RBBP6: variants seen among roughly 807,000 people sequenced by gnomAD.
The protein encoded by RBBP6 is E3 ubiquitin-protein ligase RBBP6.
RBBP6 carries 25 observed loss-of-function variants against 167.7 expected under a neutral mutation model. The observed-to-expected ratio is 0.15, with a 90% CI of 0.11 to 0.21. The LOEUF is 0.21. Ranked by LOEUF, RBBP6 falls within the 10% of genes least tolerant of loss-of-function variation. The pLI, the probability that RBBP6 is intolerant of heterozygous loss-of-function variation, is 1.00. For synonymous variants in RBBP6, 789 were observed against 735.8 expected (o/e 1.07, Z -1.17); for missense variants, 1,868 against 2,134.2 (o/e 0.88, Z 2.46).
intron 8 of RBBP6, among the ~76,000 whole-genome samples, chr16:24,561,046 A>G (rs1207543847): frequency 2.4e-5 from 2 of 81,938 alleles, no homozygotes; most frequent in Non-Finnish European, 5.2e-5. Context: ...TAATCTTCGT[A>G]TCTGTAATTT....
intron 10 of RBBP6, 151 bp downstream of exon 10, chr16:24,562,312 G>A: frequency 1.3e-6 from 1 of 778,654 alleles, no homozygotes; most frequent in Non-Finnish European, 2.0e-6. Flanking sequence ...TCTTATTGGG[G>A]GAAGAGGAAA....
chr16:24,562,301 G>T, intron 10 of RBBP6, 140 bp downstream of exon 10: 1 of 810,492 alleles, frequency 1.2e-6, no homozygotes, highest in Non-Finnish European at 1.9e-6. Flanking sequence ...AAGTGACTTA[G>T]TCTTATTGGG....
chr16:24,542,456 CTT>C (rs1555471340), intron 1 of RBBP6, among the ~76,000 whole-genome samples: 15 of 108,980 alleles, frequency 1.4e-4, no homozygotes, highest in South Asian at 1.2e-3. Context: ...TTGAATGCAG[CTT>C]TTTTTTTTTT....
rs146436815 is a variant in RBBP6, at chr16:24,568,915, G to T, written c.2225G>T (p.Arg742Leu). ...PYPRRGRGKS[R>L]NYRSRSRSHG... ...CCCAGAAGAGGCAGAGGCAAGAGCC[G>T]CAATTACCGTTCACGGTCTAGATCT... The change falls in exon 17 of 18, where the codon CGC becomes CTC. Residue 742 changes from arginine (R) to leucine (L), a missense_variant. By Grantham distance (102) the Arg-to-Leu change is moderately radical (BLOSUM62 -2). Around this residue, in one of 7 missense-constraint regions of RBBP6, gnomAD observed 673 missense variants for 691.5 expected, o/e 0.97. Coordinates refer to ENST00000319715, the MANE Select transcript of RBBP6 (RefSeq NM_006910.5). 4.7e-5 allele frequency: 76 copies of T among 1,614,188 alleles called. No individual in the cohort carries two copies. The highest frequency in any genetic ancestry group is 6.1e-5 in the Non-Finnish European group (72 of 1,180,016).
In RBBP6 at chr16:24,559,851, A is replaced by G. The variant is rs73560576; in HGVS notation, c.847+174A>G. The G allele has an allele frequency of 1.9e-3, 879 of 469,626 alleles. 5 individuals carry two copies. Among genetic ancestry groups the G allele is most frequent in the African/African-American group, 0.016 (817 of 49,580 alleles). The allele number at this position is 469,626 out of a possible 1,614,324, so 29.1% of individuals were successfully genotyped here. On this transcript the variant is annotated intron_variant, in intron 8 of 17. Coordinates refer to ENST00000319715, the MANE Select transcript of RBBP6 (RefSeq NM_006910.5). ...GTTTTTCTTGCTGTATCTTTTTTAAACAATAACCTGTTTGTCCTTTTAAAT... is the reference window on the plus strand; with the variant it reads ...GTTTTTCTTGCTGTATCTTTTTTAAGCAATAACCTGTTTGTCCTTTTAAAT...
chr16:24,556,209 A>G lies in RBBP6; in HGVS notation c.535-99A>G, dbSNP rs1040954417. ...AATGAGATCACATATGTAAAGCACT[A>G]CAAGTAATATAGTAAGCACTGTATA... On this transcript the variant is annotated intron_variant, in intron 6 of 17. Transcript: ENST00000319715. The G allele has an allele frequency of 2.7e-5, 26 of 975,386 alleles. No homozygotes were observed. In the Admixed American group the frequency reaches 4.2e-4, roughly 16 times the overall value. The allele number at this position is 975,386 out of a possible 1,614,324, so 60.4% of individuals were successfully genotyped here.
chr16:24,560,067 A>G (rs1402701541), intron 8 of RBBP6, among the ~76,000 whole-genome samples: 3 of 150,014 alleles, frequency 2.0e-5, no homozygotes, highest in Admixed American at 6.6e-5. Context: ...GCTTATCCTA[A>G]TATTTCTAAG....
At chr16:24,547,996 G>T (rs1029450543) in intron 2 of RBBP6, among the ~76,000 whole-genome samples, 3 of 150,596 alleles carry the variant, frequency 2.0e-5, no homozygotes, top group Non-Finnish European at 4.4e-5. Flanking sequence ...ATGCATCTCA[G>T]TTTTTTTTTG....
chr16:24,555,475 TCC>T, intron 4 of RBBP6, 138 bp from the exon 5 acceptor site: 1 of 674,940 alleles, frequency 1.5e-6, no homozygotes, highest in Non-Finnish European at 2.6e-6. Context: ...AAGTGCCTCT[TCC>T]AGGTTATACG....
chr16:24,552,099 T>C (rs1451123571), intron 3 of RBBP6, among the ~76,000 whole-genome samples: 4 of 147,926 alleles, frequency 2.7e-5, no homozygotes, highest in Admixed American at 2.7e-4. Flanking sequence ...ATGAACTCTT[T>C]TATAGTCAGT....
chr16:24,564,860 C>T lies in RBBP6; in HGVS notation c.1584C>T (p.Cys528=), dbSNP rs1434833823. 5 of 1,612,236 alleles carry T rather than the reference C, an allele frequency of 3.1e-6. No homozygotes were observed. The highest frequency in any genetic ancestry group is 4.2e-6 in the Non-Finnish European group (5 of 1,179,136). ...AAATTAGAAGAGGGGAGAGGAGCTGCTACAGGTAGGCATGCTAAAAATCTT... is the reference window on the plus strand; with the variant it reads ...AAATTAGAAGAGGGGAGAGGAGCTGTTACAGGTAGGCATGCTAAAAATCTT... ...PQQIRRGERS[C]YRSINRGRHH... is the part of the protein sequence containing the mutation. Residue 528 remains cysteine, a synonymous_variant, in exon 14 of 18, where the codon TGC becomes TGT. Transcript: ENST00000319715.
chr16:24,555,624 C>T lies in RBBP6; in HGVS notation c.358C>T (p.Leu120=). ...ATTACCTGTTAAACAGACTGCCAATCTGGCTGAAGCCAATGCTTCTGAAGA... is the reference window on the plus strand; with the variant it reads ...ATTACCTGTTAAACAGACTGCCAATTTGGCTGAAGCCAATGCTTCTGAAGA... ...SLAQLTKTAN[L]AEANASEEDK... is the part of the protein sequence containing the mutation. The change falls in exon 5 of 18, where the codon CTG becomes TTG. Residue 120 remains leucine, a synonymous_variant. Coordinates refer to ENST00000319715, the MANE Select transcript of RBBP6 (RefSeq NM_006910.5). 1 of 1,609,358 alleles carries T rather than the reference C, an allele frequency of 6.2e-7. No homozygotes were observed.
intron 17 of RBBP6, among the ~76,000 whole-genome samples, 171 bp downstream of exon 17, chr16:24,570,670 G>T (rs537906065): frequency 1.3e-5 from 2 of 152,248 alleles, no homozygotes; most frequent in South Asian, 4.1e-4. Flanking sequence ...AGACAAGGTT[G>T]TAAATAGATT....
intron 3 of RBBP6, among the ~76,000 whole-genome samples, chr16:24,550,359 T>G (rs1171766418): frequency 7.6e-6 from 1 of 131,986 alleles, no homozygotes; most frequent in Non-Finnish European, 1.7e-5. Context: ...GGGTGTTTTT[T>G]TTTGTTTTTT....
Position 24,540,430 on chromosome 16 carries a change from T to C in RBBP6, c.-197T>C. The C allele has an allele frequency of 2.1e-6, 1 of 474,542 alleles. No homozygotes were observed. The highest frequency in any genetic ancestry group is 3.7e-6 in the Non-Finnish European group (1 of 270,078). The allele number at this position is 474,542 out of a possible 1,614,324, so 29.4% of individuals were successfully genotyped here. On this transcript the variant is annotated 5_prime_UTR_variant, in exon 1 of 18. Coordinates refer to ENST00000319715, the MANE Select transcript of RBBP6 (RefSeq NM_006910.5). ...CTCCTCCTCCCCCATGAAGTGATTCTGAGTATCGGGGGGTCTCTGGATTAT... is the reference window on the plus strand; with the variant it reads ...CTCCTCCTCCCCCATGAAGTGATTCCGAGTATCGGGGGGTCTCTGGATTAT...
chr16:24,551,301 CTT>C (rs969316334), intron 3 of RBBP6, among the ~76,000 whole-genome samples: 1 of 151,590 alleles, frequency 6.6e-6, no homozygotes, highest in African/African-American at 2.4e-5. Context: ...AAGTGGCAGA[CTT>C]TTTTTTACCA....
In RBBP6 at chr16:24,570,929, C is replaced by G; in HGVS notation, c.3863C>G (p.Thr1288Arg). 6.3e-7 allele frequency: 1 copy of G among 1,594,778 alleles called. No individual in the cohort carries two copies. The highest frequency in any genetic ancestry group is 8.6e-7 in the Non-Finnish European group (1 of 1,166,142). Reference sequence around the variant, plus strand: ...CGGAAATCTGAAGAAAAAACAGATACAAAGCGAACTGTGATTAAAACGATG... The same window carrying G: ...CGGAAATCTGAAGAAAAAACAGATAGAAAGCGAACTGTGATTAAAACGATG... The part of the protein sequence containing the change: ...PVRKSEEKTD[T>R]KRTVIKTMEE... The change falls in exon 18 of 18, where the codon ACA becomes AGA. Residue 1288 changes from threonine (T) to arginine (R), a missense_variant. By Grantham distance (71) the Thr-to-Arg change is moderately conservative. This residue lies in a region of RBBP6 where 673 missense variants were observed against 691.5 expected (regional missense o/e 0.97). Transcript: ENST00000319715.
At position 24,540,058 on chromosome 16, in the gene RBBP6, GGGGCCTGGGCCT is replaced by G. The variant is rs11282687; in HGVS notation, c.-559_-548del. The stretch of plus-strand genomic sequence containing the variant: ...AGGCGCCAGGGGTTTGTGTGCGGTG[GGGGCCTGGGCCT>G]GGGCCTGGGGAAGCTGACGCCGGTC... On this transcript the variant is annotated 5_prime_UTR_variant, in exon 1 of 18. Coordinates refer to ENST00000319715, the MANE Select transcript of RBBP6 (RefSeq NM_006910.5). 1 of 153,114 alleles carries G rather than the reference GGGGCCTGGGCCT, an allele frequency of 6.5e-6. No homozygotes were observed. The highest frequency in any genetic ancestry group is 2.4e-5 in the African/African-American group (1 of 41,388). 9.5% of individuals were successfully genotyped at this position (153,114 alleles called of 1,614,324 possible).
chr16:24,547,925 C>T (rs1898697814), intron 2 of RBBP6, among the ~76,000 whole-genome samples: 1 of 151,998 alleles, frequency 6.6e-6, no homozygotes, highest in Non-Finnish European at 1.5e-5. Context: ...GCCTCTTACA[C>T]AGAATTATAT....
Sources: allele counts gnomAD v4.1 joint callset (sites outside exome capture counted in the v4.1 genomes callset), GRCh38; gene constraint gnomAD v4.1.1; regional missense constraint gnomAD v4.1.1; transcripts MANE v1.5; gene names NCBI Gene and HGNC (gene_info 2026-07-23, HGNC 2026-07-21).